EPHA5: variants seen among roughly 807,000 people sequenced by gnomAD.
EPHA5 encodes ephrin type-A receptor 5.
A neutral mutation model predicts 105.0 loss-of-function variants in EPHA5; 60 were observed. The ratio of observed to expected loss-of-function variants is 0.57; its 90% confidence interval spans 0.46 to 0.71. The LOEUF (loss-of-function observed/expected upper bound fraction) is 0.71. Ranked by LOEUF, EPHA5 falls within the 30% of genes least tolerant of loss-of-function variation. The probability of loss-of-function intolerance (pLI) is 0.00; values close to 1 mark genes in which losing one functional copy is unlikely to be tolerated. For missense variants in EPHA5, 1,218 were observed against 1,274.7 expected (o/e 0.96, Z 0.68); for synonymous variants, 513 against 449.1 (o/e 1.14, Z -1.80).
In EPHA5 at chr4:65,348,158, A is replaced by T. The variant is rs773809791; in HGVS notation, c.2491T>A (p.Phe831Ile). The T allele has an allele frequency of 5.6e-6, 9 of 1,613,674 alleles. No individual in the cohort carries two copies. The highest frequency in any genetic ancestry group is 7.6e-6 in the Non-Finnish European group (9 of 1,179,880). Residue 831 changes from phenylalanine to isoleucine, a missense_variant, in exon 14 of 17, where the codon TTC becomes ATC. Physicochemically the swap from Phe to Ile is conservative, Grantham distance 21. Transcript: ENST00000613740. ...IRWTAPEAIA[F>I]RKFTSASDVW... ...TCACTGGCAGAAGTAAACTTTCGGA[A>T]AGCTATTGCTTCTGGGGCAGTCCAT...
intron 5 of EPHA5, among the ~76,000 whole-genome samples, chr4:65,473,769 C>T (rs1031288179): frequency 2.6e-5 from 4 of 152,124 alleles, no homozygotes; most frequent in South Asian, 2.1e-4. Context: ...CAAATGATCC[C>T]GTAGTGAACA....
intron 5 of EPHA5, among the ~76,000 whole-genome samples, chr4:65,455,724 G>A (rs964274151): frequency 6.6e-6 from 1 of 152,082 alleles, no homozygotes; most frequent in African/African-American, 2.4e-5. Flanking sequence ...AAAGCAGATG[G>A]TACAATTTAG....
intron 1 of EPHA5, among the ~76,000 whole-genome samples, chr4:65,667,939 C>T (rs1750093090): frequency 6.6e-6 from 1 of 152,082 alleles, no homozygotes; most frequent in African/African-American, 2.4e-5. Context: ...CTGTTATAAT[C>T]CTCCAGACGT....
chr4:65,632,228 G>T (rs1009105328), intron 2 of EPHA5, among the ~76,000 whole-genome samples: 2 of 152,148 alleles, frequency 1.3e-5, no homozygotes, highest in South Asian at 4.2e-4. Context: ...TGCCATTAAG[G>T]ATGCAAATAT....
chr4:65,369,778 C>G (rs1182287068), intron 8 of EPHA5, among the ~76,000 whole-genome samples: 1 of 151,978 alleles, frequency 6.6e-6, no homozygotes, highest in African/African-American at 2.4e-5. Context: ...ACCAGCCTGG[C>G]CAACACAGTG....
intron 3 of EPHA5, among the ~76,000 whole-genome samples, chr4:65,518,655 C>T (rs1734351797): frequency 1.3e-5 from 2 of 151,902 alleles, no homozygotes; most frequent in Admixed American, 6.6e-5. Flanking sequence ...CAGATGTACC[C>T]TAGGACAGGA....
chr4:65,361,883 T>A (rs776067187), intron 11 of EPHA5, among the ~76,000 whole-genome samples: 1 of 151,620 alleles, frequency 6.6e-6, no homozygotes, highest in South Asian at 2.1e-4. Flanking sequence ...GTTTGGATAA[T>A]AATTTTCCAC....
At chr4:65,603,354 G>T (rs932407501) in intron 2 of EPHA5, among the ~76,000 whole-genome samples, 17 of 151,660 alleles carry the variant, frequency 1.1e-4, no homozygotes, top group African/African-American at 3.9e-4. Context: ...AAAAATCTGT[G>T]TGTACAAAAG....
At chr4:65,583,875 T>G (rs2149402390) in intron 3 of EPHA5, among the ~76,000 whole-genome samples, 1 of 151,816 alleles carries the variant, frequency 6.6e-6, no homozygotes, top group South Asian at 2.1e-4. Context: ...TATATTCTTA[T>G]TTGCGAATGT....
chr4:65,420,343 A>C, intron 6 of EPHA5, 98 bp downstream of exon 6: 2 of 1,208,318 alleles, frequency 1.7e-6, no homozygotes, highest in Non-Finnish European at 1.2e-6. Flanking sequence ...TGATTTACAC[A>C]TAAAATTGCA....
intron 3 of EPHA5, among the ~76,000 whole-genome samples, chr4:65,593,554 C>T (rs1380565996): frequency 6.6e-6 from 1 of 152,186 alleles, no homozygotes; most frequent in African/African-American, 2.4e-5. Flanking sequence ...GGCTGAGATT[C>T]TTCCTTTCTA....
chr4:65,569,115 A>G (rs1326975593), intron 3 of EPHA5, among the ~76,000 whole-genome samples: 2 of 151,548 alleles, frequency 1.3e-5, no homozygotes, highest in African/African-American at 2.4e-5. Flanking sequence ...TATTTTGAAG[A>G]TATATTAATA....
intron 6 of EPHA5, among the ~76,000 whole-genome samples, chr4:65,417,239 C>T (rs566652700): frequency 6.6e-6 from 1 of 152,354 alleles, no homozygotes; most frequent in South Asian, 2.1e-4. Context: ...CTGGCAAATG[C>T]ATGTGCCCTG....
intron 5 of EPHA5, among the ~76,000 whole-genome samples, chr4:65,453,695 T>G (rs1003013841): frequency 6.6e-6 from 1 of 152,100 alleles, no homozygotes; most frequent in African/African-American, 2.4e-5. Context: ...GTGCTAGTAG[T>G]CCACTGTGCT....
intron 3 of EPHA5, among the ~76,000 whole-genome samples, chr4:65,511,933 C>T (rs73223858): frequency 0.055 from 8,399 of 151,944 alleles, 788 homozygotes; most frequent in African/African-American, 0.19. Context: ...AGAAAATAAC[C>T]AGTAGTCAAG....
At chr4:65,536,977 T>A (rs1736352120) in intron 3 of EPHA5, among the ~76,000 whole-genome samples, 1 of 151,780 alleles carries the variant, frequency 6.6e-6, no homozygotes, top group African/African-American at 2.4e-5. Context: ...ATCCTTTAAA[T>A]GGTAGATGAA....
chr4:65,391,051 G>A (rs2148955633), intron 8 of EPHA5, among the ~76,000 whole-genome samples: 1 of 152,098 alleles, frequency 6.6e-6, no homozygotes, highest in South Asian at 2.1e-4. Context: ...CAGCAGGAAG[G>A]AGAAGTGCCA....
chr4:65,365,298 AAAACAAACAAAC>A (rs142880919), intron 10 of EPHA5, 96 bp from the exon 11 acceptor site: 26 of 960,354 alleles, frequency 2.7e-5, no homozygotes, highest in Middle Eastern at 2.4e-4. Context: ...CTTAGATGAA[AAAACAAACAAAC>A]AAACAAACAA....
intron 8 of EPHA5, among the ~76,000 whole-genome samples, chr4:65,372,887 T>C (rs1718626485): frequency 6.6e-6 from 1 of 151,932 alleles, no homozygotes; most frequent in Non-Finnish European, 1.5e-5. Context: ...AATAAATTCT[T>C]CAAATCCTTT....
Sources: gnomAD v4.1 joint callset for allele counts (sites outside exome capture counted in the v4.1 genomes callset) on GRCh38, gnomAD v4.1.1 for gene constraint, MANE v1.5 for transcripts, NCBI Gene and HGNC (gene_info 2026-07-23, HGNC 2026-07-21) for gene names.